LARGE1: variants seen among roughly 807,000 people sequenced by gnomAD.
LARGE1 encodes xylosyl- and glucuronyltransferase LARGE1.
A neutral mutation model predicts 87.6 loss-of-function variants in LARGE1; 43 were observed. The observed-to-expected ratio is 0.49, with a 90% CI of 0.38 to 0.63. LARGE1 has a LOEUF of 0.63. LARGE1 is among the 30% of genes least tolerant of loss of function. The pLI, the probability that LARGE1 is intolerant of heterozygous loss-of-function variation, is 0.00. For missense variants in LARGE1, 802 were observed against 1,000.2 expected, an observed-to-expected ratio of 0.80 and a Z score of 2.67; for synonymous variants, 434 against 394.6, an observed-to-expected ratio of 1.10 and a Z score of -1.18.
At chr22:33,133,885 T>G in the LARGE1 span, among the ~76,000 whole-genome samples, 1 of 152,252 alleles carries the variant, frequency 6.6e-6, no homozygotes, top group Non-Finnish European at 1.5e-5. Flanking sequence ...GAATGTGTGC[T>G]GGGTTAAAGA....
chr22:33,753,913 A>AT (rs140998072), intron 2 of LARGE1, among the ~76,000 whole-genome samples: 2,393 of 151,932 alleles, frequency 0.016, 68 homozygotes, highest in African/African-American at 0.056. Context: ...AACAAAAAAA[A>AT]TAACTGGGCA....
chr22:33,342,010 G>A (rs893225105), intron 9 of LARGE1, among the ~76,000 whole-genome samples: 5 of 152,190 alleles, frequency 3.3e-5, no homozygotes, highest in Non-Finnish European at 5.9e-5. Context: ...ACTATTCGAT[G>A]AGGCTTACAT....
At chr22:33,857,577 G>A (rs919614411) in intron 1 of LARGE1, among the ~76,000 whole-genome samples, 23 of 152,176 alleles carry the variant, frequency 1.5e-4, no homozygotes, top group Admixed American at 3.9e-4. Context: ...TAAACAAAAT[G>A]CCTATTTTAA....
chr22:33,678,595 G>A (rs192288243), intron 2 of LARGE1, among the ~76,000 whole-genome samples: 14 of 152,258 alleles, frequency 9.2e-5, no homozygotes, highest in Non-Finnish European at 1.9e-4. Context: ...ATAAACCTCA[G>A]CTCAAGTTCT....
intron 2 of LARGE1, among the ~76,000 whole-genome samples, chr22:33,712,057 T>C (rs1461765320): frequency 6.6e-6 from 1 of 152,182 alleles, no homozygotes; most frequent in Non-Finnish European, 1.5e-5. Context: ...TGTGCCATTT[T>C]ATAAAGGCAG....
At chr22:33,291,832 C>T (rs1408180643) in intron 12 of LARGE1, among the ~76,000 whole-genome samples, 2 of 152,060 alleles carry the variant, frequency 1.3e-5, no homozygotes, top group Non-Finnish European at 2.9e-5. Context: ...GTGGCTCACA[C>T]CTATAATCCC....
chr22:33,266,866 GAA>G (rs568555249), intron 11 of LARGE1, among the ~76,000 whole-genome samples: 2 of 141,610 alleles, frequency 1.4e-5, no homozygotes, highest in African/African-American at 2.6e-5. Flanking sequence ...GGAGTCAGAG[GAA>G]AAAAAAAAAA....
At chr22:33,181,118 T>C (rs1923136719) in intron 11 of LARGE1, among the ~76,000 whole-genome samples, 1 of 152,206 alleles carries the variant, frequency 6.6e-6, no homozygotes, top group Non-Finnish European at 1.5e-5. Flanking sequence ...TCTATTCTGA[T>C]GTAAATACAT....
chr22:33,891,932 T>C (rs535896511), intron 1 of LARGE1, among the ~76,000 whole-genome samples: 2 of 152,290 alleles, frequency 1.3e-5, no homozygotes, highest in Middle Eastern at 3.4e-3. Flanking sequence ...AGTCTAATAG[T>C]TCTTCTATTC....
chr22:33,173,889 A>G lies in LARGE1; in HGVS notation c.1731-7057T>C, dbSNP rs151187257. 5.9e-3 allele frequency among the ~76,000 whole-genome samples: 892 copies of G among 152,274 alleles called. 10 individuals carry two copies. Among genetic ancestry groups the G allele is most frequent in the African/African-American group, 0.02 (848 of 41,546 alleles). On this transcript the variant is annotated intron_variant, in intron 11 of 11. Coordinates refer to the LARGE1 transcript ENST00000608642. The stretch of plus-strand genomic sequence containing the variant: ...AAACTTAGACTCCCACACAATAATA[A>G]TGGGAGATTTTAACACCCCACTGTC...
intron 2 of LARGE1, chr22:33,726,227 G>C (rs1225531009): frequency 6.6e-6 from 1 of 151,944 alleles, no homozygotes; most frequent in Non-Finnish European, 1.5e-5. Flanking sequence ...GAGTGCAACA[G>C]ACAGGCAGAC....
chr22:33,099,981 C>A, the LARGE1 span, among the ~76,000 whole-genome samples: 1 of 152,122 alleles, frequency 6.6e-6, no homozygotes, highest in Non-Finnish European at 1.5e-5. Flanking sequence ...CACAGGGGAA[C>A]AATAAATCTA....
intron 7 of LARGE1, among the ~76,000 whole-genome samples, chr22:33,407,407 A>C (rs564807162): frequency 6.6e-6 from 1 of 152,358 alleles, no homozygotes; most frequent in African/African-American, 2.4e-5. Context: ...TGAATGTATT[A>C]GTCTCATTCC....
In LARGE1 at chr22:33,313,634, G is replaced by A. The variant is rs188766378; in HGVS notation, c.1451+2451C>T. ...AAGAAGTGGGCTGCCCTGCAGGGAG[G>A]GGGCTGCATGGCTAGGAACTGAGCG... On this transcript the variant is annotated intron_variant, in intron 11 of 14. Coordinates refer to ENST00000397394, the MANE Select transcript of LARGE1 (RefSeq NM_133642.5). 4.3e-4 allele frequency among the ~76,000 whole-genome samples: 66 copies of A among 152,328 alleles called. 1 individual carries two copies. The East Asian group carries it at 0.012, about 28-fold the overall frequency.
At chr22:33,163,265 G>A (rs748554690) in exon 12 of LARGE1, 5 of 152,106 alleles carry the variant, frequency 3.3e-5, no homozygotes, top group African/African-American at 1.2e-4. Flanking sequence ...GATTCTTTTC[G>A]CTATTTACCA....
chr22:33,514,500 T>C (rs2071207655), intron 6 of LARGE1, among the ~76,000 whole-genome samples: 2 of 152,138 alleles, frequency 1.3e-5, no homozygotes, highest in Non-Finnish European at 2.9e-5. Flanking sequence ...TAACACAAAA[T>C]TTAAAAATTC....
intron 11 of LARGE1, among the ~76,000 whole-genome samples, chr22:33,246,306 C>A (rs1398482004): frequency 1.3e-5 from 2 of 152,162 alleles, no homozygotes; most frequent in Non-Finnish European, 2.9e-5. Flanking sequence ...TGCCAAATTC[C>A]TTAATCAAGT....
At chr22:33,070,499 C>CA in the LARGE1 span, among the ~76,000 whole-genome samples, 1 of 152,044 alleles carries the variant, frequency 6.6e-6, no homozygotes, top group Non-Finnish European at 1.5e-5. Flanking sequence ...AATCCTAAAG[C>CA]AAACAGCACA....
intron 2 of LARGE1, among the ~76,000 whole-genome samples, chr22:33,694,672 T>TCACATA (rs1040479819): frequency 1.3e-5 from 2 of 152,128 alleles, no homozygotes; most frequent in Admixed American, 1.3e-4. Flanking sequence ...TTAGGTAAAT[T>TCACATA]CACATACACA....
Sources: allele counts gnomAD v4.1 joint callset (sites outside exome capture counted in the v4.1 genomes callset), GRCh38; gene constraint gnomAD v4.1.1; transcripts MANE v1.5; gene names NCBI Gene and HGNC (gene_info 2026-07-23, HGNC 2026-07-21).